Variants in NSD2 observed in about 807,000 individuals in gnomAD.
The protein encoded by NSD2 is histone-lysine N-methyltransferase NSD2.
NSD2 carries 12 observed loss-of-function variants against 139.0 expected under a neutral mutation model. That is an observed-to-expected ratio of 0.09 (90% confidence interval 0.06 to 0.14). The LOEUF is 0.14. NSD2 is among the 10% of genes least tolerant of loss of function. The pLI, the probability that NSD2 is intolerant of heterozygous loss-of-function variation, is 1.00. For synonymous variants in NSD2, 669 were observed against 648.7 expected (o/e 1.03, Z -0.48); for missense variants, 1,155 against 1,745.0 (o/e 0.66, Z 6.02).
intron 1 of NSD2, among the ~76,000 whole-genome samples, chr4:1,883,318 T>TC (rs1398163878): frequency 5.3e-5 from 8 of 151,412 alleles, no homozygotes; most frequent in Non-Finnish European, 1.2e-4. Context: ...TTGATACCCC[T>TC]CCCCCCATTT....
intron 3 of NSD2, among the ~76,000 whole-genome samples, chr4:1,915,077 C>T (rs1436796032): frequency 1.3e-5 from 2 of 150,826 alleles, no homozygotes; most frequent in Non-Finnish European, 3.0e-5. Flanking sequence ...TTCTTATCTT[C>T]CAAGCTTTCT....
chr4:1,965,478 T>C (rs1725792273), intron 18 of NSD2, among the ~76,000 whole-genome samples: 1 of 151,898 alleles, frequency 6.6e-6, no homozygotes, highest in South Asian at 2.1e-4. Context: ...GGCTGAAAAA[T>C]TCCCAGGTTT....
chr4:1,959,625 C>T lies in NSD2; in HGVS notation c.3140C>T (p.Pro1047Leu), dbSNP rs1725169102. ...TTTGAGTGCCACCCGCAGGTGTGTCCCGCGGGCGAGTTCTGCCAGAACCAG... is the reference window on the plus strand; with the variant it reads ...TTTGAGTGCCACCCGCAGGTGTGTCTCGCGGGCGAGTTCTGCCAGAACCAG... ...LMFECHPQVCPAGEFCQNQCF... is the reference protein window; with the variant it reads ...LMFECHPQVCLAGEFCQNQCF... The change falls in exon 17 of 22, where the codon CCC becomes CTC. Residue 1047 changes from proline to leucine, a missense_variant. Physicochemically the swap from Pro to Leu is moderately conservative, Grantham distance 98. This residue lies in a region of NSD2 where 139 missense variants were observed against 485.8 expected (regional missense o/e 0.29). Coordinates refer to ENST00000508803, the MANE Select transcript of NSD2 (RefSeq NM_001042424.3). The T allele has an allele frequency of 4.3e-6, 7 of 1,614,048 alleles. No individual in the cohort carries two copies. The highest frequency in any genetic ancestry group is 5.9e-6 in the Non-Finnish European group (7 of 1,180,006).
At chr4:1,975,040 C>G (rs765651363) in intron 19 of NSD2, 36 bp downstream of exon 19, 1 of 1,613,092 alleles carries the variant, frequency 6.2e-7, no homozygotes, top group Non-Finnish European at 8.5e-7. Flanking sequence ...GGGCTCCTGG[C>G]TATGGGGGCA....
chr4:1,974,574 G>C lies in NSD2; in HGVS notation c.3373-289G>C, dbSNP rs1396387697. ...GGCTAGGCTGTTGCTGCTGACCTTA[G>C]CTCCCTTGTTTGCCATCATGGAGGA... On this transcript the variant is annotated intron_variant, in intron 18 of 21. Transcript: ENST00000508803. This position sits in a 1 kb window ranked among gnomAD's most constrained non-coding sequence, Gnocchi z 4.0. 5.6e-6 allele frequency: 3 copies of C among 532,446 alleles called. No homozygotes were observed. The East Asian group carries it at 1.1e-4, about 20-fold the overall frequency. 33.0% of individuals were successfully genotyped at this position (532,446 alleles called of 1,614,324 possible). A position where few individuals can be genotyped will look rare whatever the true frequency, so the allele number is the denominator to read the frequency against.
chr4:1,956,279 A>C lies in NSD2; in HGVS notation c.2881+91A>C. 1 of 1,172,594 alleles carries C rather than the reference A, an allele frequency of 8.5e-7. No homozygotes were observed. Among genetic ancestry groups the C allele is most frequent in the Non-Finnish European group, 1.2e-6 (1 of 849,694 alleles). The allele number at this position is 1,172,594 out of a possible 1,614,324, so 72.6% of individuals were successfully genotyped here. A position where few individuals can be genotyped will look rare whatever the true frequency, so the allele number is the denominator to read the frequency against. ...TTTTTTAAAATTTGATCTTTATAGA[A>C]AATACTGGACTAAGCATTCAATCTG... On this transcript the variant is annotated intron_variant, in intron 15 of 21. Transcript: ENST00000508803. This position sits in a 1 kb window ranked among gnomAD's most constrained non-coding sequence, Gnocchi z 5.3.
rs1415951649 is a variant in NSD2, at chr4:1,976,857, A to G, written c.3826+178A>G. On this transcript the variant is annotated intron_variant, in intron 21 of 21. Coordinates refer to ENST00000508803, the MANE Select transcript of NSD2 (RefSeq NM_001042424.3). This position sits in a 1 kb window ranked among gnomAD's most constrained non-coding sequence, Gnocchi z 5.3. The stretch of plus-strand genomic sequence containing the variant: ...CCTTTCTTTGTTCCACCAGCCGCAC[A>G]TTCTAGATCTCTGCATCGAGCAGAG... 6.6e-6 allele frequency among the ~76,000 whole-genome samples: 1 copy of G among 152,252 alleles called. No homozygotes were observed. The highest frequency in any genetic ancestry group is 2.4e-5 in the African/African-American group (1 of 41,474).
intron 21 of NSD2, among the ~76,000 whole-genome samples, chr4:1,977,235 C>A (rs373375888): frequency 1.3e-5 from 2 of 152,240 alleles, no homozygotes; most frequent in Non-Finnish European, 2.9e-5. Flanking sequence ...GTAGAGTGGG[C>A]TCCACCTTCC....
chr4:1,928,928 G>A (rs534656548), intron 5 of NSD2, among the ~76,000 whole-genome samples: 10 of 152,186 alleles, frequency 6.6e-5, no homozygotes, highest in Admixed American at 6.5e-4. Context: ...AGCAATCAGG[G>A]TAGGGCCTGC....
intron 18 of NSD2, among the ~76,000 whole-genome samples, chr4:1,969,434 G>A (rs926045493): frequency 2.6e-5 from 4 of 152,094 alleles, no homozygotes; most frequent in African/African-American, 7.2e-5. Flanking sequence ...GTGCAATGGC[G>A]TGTGCCTATA....
At chr4:1,966,322 C>T (rs1028310389) in intron 18 of NSD2, among the ~76,000 whole-genome samples, 14 of 150,940 alleles carry the variant, frequency 9.3e-5, no homozygotes, top group Non-Finnish European at 1.3e-4. Flanking sequence ...TTGTTGTAAC[C>T]GTGGTTTATA....
rs948226115 is a variant in NSD2 at position 1,973,437 on chromosome 4, G to C, written c.3373-1426G>C. Among the ~76,000 whole-genome samples, 1 of 152,258 alleles carries C rather than the reference G, an allele frequency of 6.6e-6. No homozygotes were observed. The highest frequency in any genetic ancestry group is 2.4e-5 in the African/African-American group (1 of 41,470). ...CTGCAGAAGTGGTGTGCATGCCAAC[G>C]TGCACATCAGCACCGCGGCTCAGCG... On this transcript the variant is annotated intron_variant, in intron 18 of 21. Coordinates refer to ENST00000508803, the MANE Select transcript of NSD2 (RefSeq NM_001042424.3). This position sits in a 1 kb window ranked among gnomAD's most constrained non-coding sequence, Gnocchi z 5.5.
Position 1,973,810 on chromosome 4 carries a change from G to A in NSD2, c.3373-1053G>A, listed in dbSNP as rs920833282. On this transcript the variant is annotated intron_variant, in intron 18 of 21. Transcript: ENST00000508803. This position sits in a 1 kb window ranked among gnomAD's most constrained non-coding sequence, Gnocchi z 5.5. Reference sequence around the variant, plus strand: ...CACACACGTGGTTTTGTTTGAACACGTGACTGTTACGCTTTATGTGGCCTT... The same window carrying A: ...CACACACGTGGTTTTGTTTGAACACATGACTGTTACGCTTTATGTGGCCTT... Among the ~76,000 whole-genome samples the A allele has an allele frequency of 3.9e-5, 6 of 152,228 alleles. No homozygotes were observed. Among genetic ancestry groups the A allele is most frequent in the South Asian group, 2.1e-4 (1 of 4,832 alleles).
At chr4:1,945,137 AG>A in intron 9 of NSD2, 1 of 1,064,812 alleles carries the variant, frequency 9.4e-7, no homozygotes, top group Non-Finnish European at 1.1e-6. Context: ...AGCTCTAGGG[AG>A]ATCTGATTTT....
intron 5 of NSD2, among the ~76,000 whole-genome samples, chr4:1,929,417 G>A (rs1024154709): frequency 1.3e-5 from 2 of 152,150 alleles, no homozygotes; most frequent in African/African-American, 4.8e-5. Flanking sequence ...TTCACAGAGT[G>A]GAGGCAGAGA....
Position 1,974,579 on chromosome 4 carries a change from C to G in NSD2, c.3373-284C>G. On this transcript the variant is annotated intron_variant, in intron 18 of 21. Transcript: ENST00000508803. This position sits in a 1 kb window ranked among gnomAD's most constrained non-coding sequence, Gnocchi z 4.0. ...GGCTGTTGCTGCTGACCTTAGCTCC[C>G]TTGTTTGCCATCATGGAGGATGCTG... is the stretch of plus-strand genomic sequence containing the variant. The G allele has an allele frequency of 1.8e-6, 1 of 546,516 alleles. No homozygotes were observed. The highest frequency in any genetic ancestry group is 3.4e-6 in the Non-Finnish European group (1 of 290,906). The allele number at this position is 546,516 out of a possible 1,614,324, so 33.9% of individuals were successfully genotyped here. A position where few individuals can be genotyped will look rare whatever the true frequency, so the allele number is the denominator to read the frequency against.
chr4:1,924,512 G>T (rs931469880), intron 5 of NSD2, among the ~76,000 whole-genome samples: 1 of 152,162 alleles, frequency 6.6e-6, no homozygotes, highest in Non-Finnish European at 1.5e-5. Flanking sequence ...GACCCAAATT[G>T]ATCTCAGATG....
chr4:1,957,288 G>T lies in NSD2; in HGVS notation c.2882-645G>T, dbSNP rs112015057. Among the ~76,000 whole-genome samples, 706 of 141,378 alleles carry T rather than the reference G, an allele frequency of 5.0e-3. 6 individuals are homozygous for T. Among genetic ancestry groups the T allele is most frequent in the African/African-American group, 0.017 (664 of 38,602 alleles). The allele number at this position is 141,378 out of a possible 152,430, so 92.7% of individuals were successfully genotyped here. On this transcript the variant is annotated intron_variant, in intron 15 of 21. Coordinates refer to ENST00000508803, the MANE Select transcript of NSD2 (RefSeq NM_001042424.3). Reference sequence around the variant, plus strand: ...CTCAGCTGCATGTTTTTTTGTTTTTGTTTTTTTTTTTTTGAGACTGAGTCT... The same window carrying T: ...CTCAGCTGCATGTTTTTTTGTTTTTTTTTTTTTTTTTTTGAGACTGAGTCT...
intron 3 of NSD2, among the ~76,000 whole-genome samples, chr4:1,911,176 T>C (rs1260062605): frequency 6.6e-6 from 1 of 152,070 alleles, no homozygotes; most frequent in African/African-American, 2.4e-5. Context: ...AGGAACACAG[T>C]ACAAAATTAG....
Sources: gnomAD v4.1 joint callset for allele counts (sites outside exome capture counted in the v4.1 genomes callset) on GRCh38, gnomAD v4.1.1 for gene constraint, gnomAD v4.1.1 regional missense constraint, Gnocchi (gnomAD v3.1) non-coding constraint, MANE v1.5 for transcripts, NCBI Gene and HGNC (gene_info 2026-07-23, HGNC 2026-07-21) for gene names.